The following JAKMIP2 variants were observed in gnomAD, a reference collection of about 807,000 sequenced individuals.
The protein encoded by JAKMIP2 is janus kinase and microtubule-interacting protein 2.
JAKMIP2 carries 25 observed loss-of-function variants against 115.0 expected under a neutral mutation model. The ratio of observed to expected loss-of-function variants is 0.22; its 90% CI spans 0.16 to 0.30. JAKMIP2 has a LOEUF of 0.30. Among genes scored for constraint, JAKMIP2 ranks in the 10% least tolerant of loss-of-function variants. JAKMIP2 has a pLI of 1.00. For missense variants in JAKMIP2, 642 were observed against 957.6 expected (o/e 0.67, Z 4.35); for synonymous variants, 334 against 343.6 (o/e 0.97, Z 0.31).
At chr5:147,757,743 T>C (rs1011518160) in intron 1 of JAKMIP2, among the ~76,000 whole-genome samples, 57 of 152,252 alleles carry the variant, frequency 3.7e-4, no homozygotes, top group African/African-American at 1.3e-3. Context: ...TATTAATTGA[T>C]GTTGGTAGCA....
chr5:147,752,951 G>A (rs1341126219), intron 1 of JAKMIP2, among the ~76,000 whole-genome samples: 4 of 152,206 alleles, frequency 2.6e-5, no homozygotes, highest in Middle Eastern at 3.4e-3. Flanking sequence ...AGTTTAAAAT[G>A]CCTTTTTATA....
At chr5:147,720,014 T>C (rs2126938100) in intron 1 of JAKMIP2, among the ~76,000 whole-genome samples, 1 of 152,162 alleles carries the variant, frequency 6.6e-6, no homozygotes, top group Admixed American at 6.5e-5. Context: ...GTTTAGCGCT[T>C]CCTTCAGGAG....
At chr5:147,672,069 C>T (rs1431694559) in intron 1 of JAKMIP2, 115 bp from the exon 2 acceptor site, 3 of 545,914 alleles carry the variant, frequency 5.5e-6, no homozygotes, top group Non-Finnish European at 7.6e-6. Flanking sequence ...GCTCTCCTAT[C>T]CTCAGTATCT....
At chr5:147,598,173 G>T (rs1561838243) in intron 21 of JAKMIP2, among the ~76,000 whole-genome samples, 1 of 151,992 alleles carries the variant, frequency 6.6e-6, no homozygotes, top group African/African-American at 2.4e-5. Flanking sequence ...GCTAATTTTT[G>T]TATTTTTATT....
chr5:147,609,366 C>A (rs1342406828), intron 20 of JAKMIP2, among the ~76,000 whole-genome samples: 1 of 152,154 alleles, frequency 6.6e-6, no homozygotes, highest in African/African-American at 2.4e-5. Flanking sequence ...GTAAGGCAGG[C>A]CTGATGGTGA....
chr5:147,726,416 G>A (rs561764825), intron 1 of JAKMIP2, among the ~76,000 whole-genome samples: 47 of 152,314 alleles, frequency 3.1e-4, no homozygotes, highest in African/African-American at 8.2e-4. Flanking sequence ...GAAGCCTGGC[G>A]TGCTGGCAAA....
chr5:147,699,252 T>G (rs1432830), intron 1 of JAKMIP2, among the ~76,000 whole-genome samples: 42,133 of 152,120 alleles, frequency 0.28, 6,808 homozygotes, highest in East Asian at 0.5. Flanking sequence ...GGCTTGAGTA[T>G]GTGTTGACAT....
chr5:147,623,537 G>C, intron 17 of JAKMIP2, 84 bp downstream of exon 17: 1 of 823,802 alleles, frequency 1.2e-6, no homozygotes. Flanking sequence ...ATCAGTGCCA[G>C]ATAAAACTGG....
chr5:147,637,146 A>G (rs1430501657), intron 10 of JAKMIP2, 98 bp from the exon 11 acceptor site: 6 of 746,730 alleles, frequency 8.0e-6, no homozygotes, highest in Non-Finnish European at 1.4e-5. Context: ...AGAGGAAAAA[A>G]AGAAGAATTT....
chr5:147,602,340 C>T (rs1488830633), intron 20 of JAKMIP2, among the ~76,000 whole-genome samples: 1 of 152,174 alleles, frequency 6.6e-6, no homozygotes, highest in African/African-American at 2.4e-5. Context: ...TACTTAATTA[C>T]TCACAGTGGA....
At chr5:147,680,170 G>C (rs1197743008) in intron 1 of JAKMIP2, among the ~76,000 whole-genome samples, 1 of 152,094 alleles carries the variant, frequency 6.6e-6, no homozygotes, top group Non-Finnish European at 1.5e-5. Flanking sequence ...TTTTATCATT[G>C]TTATATTTCC....
In JAKMIP2 at chr5:147,618,107, T is replaced by C; in HGVS notation, c.2150A>G (p.Gln717Arg). 6.2e-7 allele frequency: 1 copy of C among 1,612,214 alleles called. No homozygotes were observed. Among genetic ancestry groups the C allele is most frequent in the Non-Finnish European group, 8.5e-7 (1 of 1,178,214 alleles). ...ATTGTACAAAGTAGCTTCTAGTTCC[T>C]GGATTCTCTGGCAAATAGAATTAGA... ...QALDQAYMRI[Q>R]ELEATLYNAL... Residue 717 changes from glutamine to arginine, a missense_variant, in exon 19 of 22, where the codon CAG (glutamine) becomes CGG (arginine). Gln to Arg is a conservative substitution (Grantham distance 43). Coordinates refer to ENST00000616793, the MANE Select transcript of JAKMIP2 (RefSeq NM_001270941.2).
intron 1 of JAKMIP2, among the ~76,000 whole-genome samples, chr5:147,726,523 T>A (rs1236426184): frequency 6.6e-6 from 1 of 152,198 alleles, no homozygotes; most frequent in Non-Finnish European, 1.5e-5. Context: ...CTCTGTAAAG[T>A]TTTGATTAAT....
intron 1 of JAKMIP2, among the ~76,000 whole-genome samples, chr5:147,725,955 G>C (rs1753499679): frequency 6.6e-6 from 1 of 152,158 alleles, no homozygotes; most frequent in African/African-American, 2.4e-5. Context: ...TGGGACAGTA[G>C]TGAAGATTCC....
At chr5:147,719,745 T>C (rs1407478916) in intron 1 of JAKMIP2, among the ~76,000 whole-genome samples, 1 of 150,950 alleles carries the variant, frequency 6.6e-6, no homozygotes, top group Non-Finnish European at 1.5e-5. Flanking sequence ...TGTGTGTCTC[T>C]GCATGTGAGA....
chr5:147,697,940 A>T (rs1355014692), intron 1 of JAKMIP2, among the ~76,000 whole-genome samples: 1 of 152,154 alleles, frequency 6.6e-6, no homozygotes, highest in Non-Finnish European at 1.5e-5. Context: ...TGAGAAGAGG[A>T]CCACTGTCCT....
rs746050461 is a variant in JAKMIP2 at position 147,639,726 on chromosome 5, C to A, written c.1436G>T (p.Arg479Leu). ...LAAEESELRF[R>L]QLTKEYQALQ... ...GGCCTGATATTCTTTTGTTAATTGT[C>A]GAAATCTTAGTTCAGATTCTTCAGC... Residue 479 changes from arginine (R) to leucine (L), a missense_variant, in exon 10 of 22, where the codon CGA becomes CTA. By Grantham distance (102) the Arg-to-Leu change is moderately radical. This residue lies in a region of JAKMIP2 where 103 missense variants were observed against 177.6 expected (regional missense o/e 0.58). Coordinates refer to ENST00000616793, the MANE Select transcript of JAKMIP2 (RefSeq NM_001270941.2). The A allele has an allele frequency of 6.2e-7, 1 of 1,613,586 alleles. No individual in the cohort carries two copies. The highest frequency in any genetic ancestry group is 8.5e-7 in the Non-Finnish European group (1 of 1,179,786).
At chr5:147,626,943 A>G (rs1757124534) in intron 16 of JAKMIP2, among the ~76,000 whole-genome samples, 2 of 152,198 alleles carry the variant, frequency 1.3e-5, no homozygotes, top group Admixed American at 1.3e-4. Context: ...CTGGAGGCAC[A>G]GACTGTGTTT....
intron 1 of JAKMIP2, among the ~76,000 whole-genome samples, chr5:147,751,381 A>C (rs770740212): frequency 6.6e-5 from 10 of 151,604 alleles, no homozygotes; most frequent in Non-Finnish European, 1.0e-4. Flanking sequence ...TTCAGGCGTG[A>C]GCCAGCATGC....
Sources: gnomAD v4.1 joint callset for allele counts (sites outside exome capture counted in the v4.1 genomes callset) on GRCh38, gnomAD v4.1.1 for gene constraint, gnomAD v4.1.1 regional missense constraint, MANE v1.5 for transcripts, NCBI Gene and HGNC (gene_info 2026-07-23, HGNC 2026-07-21) for gene names.